The following HABP4 variants were observed in gnomAD, a reference collection of about 807,000 sequenced individuals.
The protein encoded by HABP4 is intracellular hyaluronan-binding protein 4.
Under a neutral mutation model 44.1 loss-of-function variants are expected in HABP4, and 32 were observed. The observed-to-expected ratio is 0.73, with a 90% CI of 0.55 to 0.97. The LOEUF is 0.97. Ranked by LOEUF, HABP4 falls within the 50% of genes least tolerant of loss-of-function variation. The pLI, the probability that HABP4 is intolerant of heterozygous loss-of-function variation, is 0.00. For synonymous variants in HABP4, 216 were observed against 218.0 expected, an observed-to-expected ratio of 0.99 and a Z score of 0.08; for missense variants, 503 against 561.9, an observed-to-expected ratio of 0.90 and a Z score of 1.06.
At chr9:96,461,765 A>G (rs779438694) in intron 2 of HABP4, among the ~76,000 whole-genome samples, 28 of 152,220 alleles carry the variant, frequency 1.8e-4, no homozygotes, top group Non-Finnish European at 2.9e-5. Flanking sequence ...TCCAATAAAC[A>G]TGTATAGGTA....
intron 1 of HABP4, among the ~76,000 whole-genome samples, chr9:96,457,928 A>T (rs927863133): frequency 2.6e-5 from 4 of 152,200 alleles, no homozygotes; most frequent in Non-Finnish European, 5.9e-5. Flanking sequence ...CAAAAACCTT[A>T]GTAGCCAGTG....
chr9:96,461,728 C>T (rs780908829), intron 2 of HABP4, among the ~76,000 whole-genome samples: 7 of 151,736 alleles, frequency 4.6e-5, no homozygotes, highest in Admixed American at 6.6e-5. Context: ...GATAATCTTT[C>T]GAGATTATAA....
chr9:96,471,154 T>G (rs1832691922), intron 5 of HABP4, 60 bp downstream of exon 5: 1 of 948,378 alleles, frequency 1.1e-6, no homozygotes, highest in East Asian at 2.4e-5. Context: ...GATTTCTTTT[T>G]TTTTTTTGAG....
chr9:96,454,542 C>T (rs898996752), intron 1 of HABP4, among the ~76,000 whole-genome samples: 1 of 151,806 alleles, frequency 6.6e-6, no homozygotes, highest in African/African-American at 2.4e-5. Flanking sequence ...GCTCCACCTC[C>T]CGAGTTCAGC....
chr9:96,450,770 G>A lies in HABP4; in HGVS notation c.349+142G>A. 1 of 653,144 alleles carries A rather than the reference G, an allele frequency of 1.5e-6. No individual in the cohort carries two copies. The highest frequency in any genetic ancestry group is 2.1e-6 in the Non-Finnish European group (1 of 466,000). 40.5% of individuals were successfully genotyped at this position (653,144 alleles called of 1,614,324 possible). A position where few individuals can be genotyped will look rare whatever the true frequency, so the allele number is the denominator to read the frequency against. On this transcript the variant is annotated intron_variant, in intron 1 of 7. Coordinates refer to ENST00000375249, the MANE Select transcript of HABP4 (RefSeq NM_014282.4). This position sits in a 1 kb window ranked among gnomAD's most constrained non-coding sequence, Gnocchi z 4.8. ...GTGGCCGCCGAAGGTAGGAGGAGAG[G>A]GGCAGGGGTCACACCCCTTCCAGCT...
intron 5 of HABP4, among the ~76,000 whole-genome samples, chr9:96,478,496 G>C (rs536975523): frequency 2.5e-4 from 38 of 152,198 alleles, no homozygotes; most frequent in Admixed American, 1.2e-3. Context: ...TAAATACCTA[G>C]GAGTGGAATG....
At chr9:96,458,640 T>C (rs1012508915) in intron 2 of HABP4, 99 bp downstream of exon 2, 28 of 832,158 alleles carry the variant, frequency 3.4e-5, no homozygotes, top group Non-Finnish European at 5.1e-5. Flanking sequence ...TTTTTTTTTT[T>C]TTGAGACAGT....
intron 2 of HABP4, 113 bp from the exon 3 acceptor site, chr9:96,465,224 C>A: frequency 2.8e-6 from 2 of 709,506 alleles, no homozygotes; most frequent in South Asian, 1.8e-5. Flanking sequence ...ATTTGTGATT[C>A]AAGCCACCAT....
intron 5 of HABP4, among the ~76,000 whole-genome samples, chr9:96,472,627 T>C (rs1832716959): frequency 6.6e-6 from 1 of 152,176 alleles, no homozygotes; most frequent in Admixed American, 6.5e-5. Context: ...ATACTGTTAG[T>C]TAGCTCCTTC....
At chr9:96,454,754 C>G (rs1832345542) in intron 1 of HABP4, among the ~76,000 whole-genome samples, 1 of 152,062 alleles carries the variant, frequency 6.6e-6, no homozygotes, top group African/African-American at 2.4e-5. Context: ...GGCCCCAGTT[C>G]TGAACTCTTA....
At chr9:96,477,090 GCAAA>G (rs1002830743) in intron 5 of HABP4, among the ~76,000 whole-genome samples, 33 of 152,102 alleles carry the variant, frequency 2.2e-4, no homozygotes, top group African/African-American at 3.9e-4. Context: ...TGTCCTTTAA[GCAAA>G]CAAACAAACT....
At chr9:96,461,539 G>A (rs577763254) in intron 2 of HABP4, among the ~76,000 whole-genome samples, 1 of 152,112 alleles carries the variant, frequency 6.6e-6, no homozygotes, top group Non-Finnish European at 1.5e-5. Context: ...AGCAGATCTC[G>A]GGGGCGGAGA....
At chr9:96,489,519 C>G (rs766327431) in intron 7 of HABP4, among the ~76,000 whole-genome samples, 5 of 152,170 alleles carry the variant, frequency 3.3e-5, no homozygotes, top group African/African-American at 4.8e-5. Flanking sequence ...CCCACAAAAC[C>G]TTGCCTGACC....
intron 2 of HABP4, among the ~76,000 whole-genome samples, chr9:96,459,378 T>C (rs1442621226): frequency 6.6e-6 from 1 of 152,168 alleles, no homozygotes; most frequent in African/African-American, 2.4e-5. Context: ...TACTCTAACA[T>C]GGACAGAAGT....
intron 5 of HABP4, among the ~76,000 whole-genome samples, chr9:96,477,204 A>G (rs998868681): frequency 6.6e-6 from 1 of 152,242 alleles, no homozygotes; most frequent in Non-Finnish European, 1.5e-5. Flanking sequence ...CGTCTTAAGT[A>G]TGAAAGAATT....
intron 2 of HABP4, among the ~76,000 whole-genome samples, chr9:96,462,954 T>G (rs748090710): frequency 7.2e-5 from 11 of 152,158 alleles, no homozygotes; most frequent in Non-Finnish European, 1.2e-4. Flanking sequence ...TTCTTTTGTT[T>G]TAGAACTGTA....
chr9:96,451,982 G>T (rs748270547), intron 1 of HABP4, among the ~76,000 whole-genome samples: 7 of 152,058 alleles, frequency 4.6e-5, no homozygotes, highest in Non-Finnish European at 1.0e-4. Flanking sequence ...AATCCCAGCA[G>T]TTTGGGAGTC....
intron 5 of HABP4, among the ~76,000 whole-genome samples, chr9:96,481,584 T>C (rs1832881282): frequency 6.6e-6 from 1 of 151,728 alleles, no homozygotes; most frequent in South Asian, 2.1e-4. Context: ...CTCTACAAAA[T>C]GGTTGTAAAA....
intron 1 of HABP4, among the ~76,000 whole-genome samples, chr9:96,456,446 G>A (rs1587769738): frequency 6.6e-6 from 1 of 151,966 alleles, no homozygotes; most frequent in Admixed American, 6.6e-5. Context: ...ATCTAAGTGG[G>A]AGGGAAGTCT....
Sources: gnomAD v4.1 joint callset for allele counts (sites outside exome capture counted in the v4.1 genomes callset) on GRCh38, gnomAD v4.1.1 for gene constraint, Gnocchi (gnomAD v3.1) non-coding constraint, MANE v1.5 for transcripts, NCBI Gene and HGNC (gene_info 2026-07-23, HGNC 2026-07-21) for gene names.